The following MCTP1 variants were observed in gnomAD, a reference collection of about 807,000 sequenced individuals.
The protein encoded by MCTP1 is multiple C2 and transmembrane domain containing 1.
MCTP1 carries 69 observed loss-of-function variants against 120.6 expected under a neutral mutation model. That is an observed-to-expected ratio of 0.57 (90% CI 0.47 to 0.70). The LOEUF is 0.70. Ranked by LOEUF, MCTP1 falls within the 30% of genes least tolerant of loss-of-function variation. The probability of loss-of-function intolerance (pLI) is 0.00; values close to 1 mark genes in which losing one functional copy is unlikely to be tolerated. For missense variants in MCTP1, 1,203 were observed against 1,248.8 expected (o/e 0.96, Z 0.55); for synonymous variants, 529 against 493.1 (o/e 1.07, Z -0.96).
At chr5:95,172,515 C>A (rs1358007510) in intron 1 of MCTP1, among the ~76,000 whole-genome samples, 1 of 152,128 alleles carries the variant, frequency 6.6e-6, no homozygotes, top group Non-Finnish European at 1.5e-5. Context: ...TGTGCTTAAC[C>A]ATTAGAGTGC....
rs187469492 is a variant in MCTP1, at chr5:95,081,884, G to A, written c.721-64400C>T. 9.5e-4 allele frequency: 905 copies of A among 956,382 alleles called. 9 individuals are homozygous for A. The African/African-American group carries it at 0.015, about 16-fold the overall frequency. 59.2% of individuals were successfully genotyped at this position (956,382 alleles called of 1,614,324 possible). A position where few individuals can be genotyped will look rare whatever the true frequency, so the allele number is the denominator to read the frequency against. On this transcript the variant is annotated intron_variant, in intron 1 of 22. Coordinates refer to ENST00000515393, the MANE Select transcript of MCTP1 (RefSeq NM_024717.7). ...TTCCTCATGGCAAAAGCCACAACAG[G>A]AAATGAGAATAACAACACTGCACAA... is the stretch of plus-strand genomic sequence containing the variant.
chr5:95,081,657 G>A, intron 1 of MCTP1: 1 of 1,326,766 alleles, frequency 7.5e-7, no homozygotes, highest in Non-Finnish European at 9.6e-7. Context: ...AAAGTAAGAA[G>A]AACCCGTGAT....
rs142838299 is a variant in MCTP1, at chr5:95,120,583, C to T, written c.721-103099G>A. On this transcript the variant is annotated intron_variant, in intron 1 of 22. Coordinates refer to ENST00000515393, the MANE Select transcript of MCTP1 (RefSeq NM_024717.7). Reference sequence around the variant, plus strand: ...ATACCAACAGAATGAAGAACAAAAACCAGATAATCATTTCAATTGATGTTG... The same window carrying T: ...ATACCAACAGAATGAAGAACAAAAATCAGATAATCATTTCAATTGATGTTG... Among the ~76,000 whole-genome samples the T allele has an allele frequency of 2.4e-3, 359 of 152,200 alleles. 1 individual carries two copies. The highest frequency in any genetic ancestry group is 4.2e-3 in the Non-Finnish European group (286 of 67,994).
chr5:94,900,469 T>C (rs1287861452), intron 10 of MCTP1, among the ~76,000 whole-genome samples: 7 of 152,250 alleles, frequency 4.6e-5, no homozygotes, highest in Non-Finnish European at 8.8e-5. Flanking sequence ...TAGTGTGTAA[T>C]GTGCTCATTC....
At chr5:94,999,147 T>C (rs1833168527) in intron 2 of MCTP1, among the ~76,000 whole-genome samples, 1 of 152,202 alleles carries the variant, frequency 6.6e-6, no homozygotes, top group Non-Finnish European at 1.5e-5. Flanking sequence ...AATAGGTAAC[T>C]AAATCCCTAA....
intron 19 of MCTP1, among the ~76,000 whole-genome samples, chr5:94,723,295 A>C (rs1224370966): frequency 6.6e-6 from 1 of 152,200 alleles, no homozygotes; most frequent in East Asian, 1.9e-4. Flanking sequence ...AGGATATTTA[A>C]GGTTAACAGG....
At chr5:94,744,801 C>T (rs907046863) in intron 19 of MCTP1, among the ~76,000 whole-genome samples, 35 of 152,148 alleles carry the variant, frequency 2.3e-4, no homozygotes, top group African/African-American at 5.1e-4. Context: ...TGAGCCACCG[C>T]GCCCAGCCAC....
At chr5:95,158,899 T>G (rs1562192347) in intron 1 of MCTP1, among the ~76,000 whole-genome samples, 1 of 152,094 alleles carries the variant, frequency 6.6e-6, no homozygotes, top group Non-Finnish European at 1.5e-5. Flanking sequence ...CCAGCCTGGG[T>G]GATAGATCCA....
At chr5:94,907,151 G>A (rs770289586) in intron 10 of MCTP1, among the ~76,000 whole-genome samples, 4 of 152,086 alleles carry the variant, frequency 2.6e-5, no homozygotes, top group Admixed American at 6.5e-5. Context: ...GCTTTTCAGC[G>A]GCAAGATGCT....
intron 1 of MCTP1, among the ~76,000 whole-genome samples, chr5:95,218,382 T>G (rs1753277510): frequency 1.3e-5 from 2 of 152,188 alleles, no homozygotes; most frequent in Admixed American, 1.3e-4. Context: ...TATTTGATCC[T>G]TTCTCTTTGT....
At chr5:94,924,490 A>G (rs1276553784) in intron 6 of MCTP1, among the ~76,000 whole-genome samples, 1 of 152,194 alleles carries the variant, frequency 6.6e-6, no homozygotes, top group Non-Finnish European at 1.5e-5. Context: ...TCCAAATTTT[A>G]TAATACAATT....
intron 1 of MCTP1, among the ~76,000 whole-genome samples, chr5:95,022,505 T>C (rs967190343): frequency 6.6e-6 from 1 of 152,240 alleles, no homozygotes; most frequent in Non-Finnish European, 1.5e-5. Flanking sequence ...TTTTAAATTA[T>C]GAACCTTTAA....
intron 19 of MCTP1, among the ~76,000 whole-genome samples, chr5:94,770,066 T>C (rs1404413727): frequency 6.6e-6 from 1 of 152,200 alleles, no homozygotes; most frequent in African/African-American, 2.4e-5. Flanking sequence ...GTCTTTAAAA[T>C]GGTGAAGAAT....
intron 19 of MCTP1, among the ~76,000 whole-genome samples, chr5:94,720,306 A>T (rs181478926): frequency 2.0e-5 from 3 of 152,206 alleles, no homozygotes; most frequent in Non-Finnish European, 2.9e-5. Flanking sequence ...GGTTACATAA[A>T]ATTTAAAACA....
chr5:95,254,700 A>G (rs1158324312), intron 1 of MCTP1, among the ~76,000 whole-genome samples: 1 of 152,194 alleles, frequency 6.6e-6, no homozygotes, highest in East Asian at 1.9e-4. Flanking sequence ...ACTACTACAC[A>G]TATTAATTGC....
intron 18 of MCTP1, among the ~76,000 whole-genome samples, chr5:94,796,779 A>C (rs1780181069): frequency 6.6e-6 from 1 of 151,796 alleles, no homozygotes; most frequent in Non-Finnish European, 1.5e-5. Context: ...AATTGGATTT[A>C]AGAGTTACGT....
chr5:94,963,461 C>G (rs1210301507), intron 2 of MCTP1, among the ~76,000 whole-genome samples: 1 of 143,534 alleles, frequency 7.0e-6, no homozygotes, highest in African/African-American at 2.7e-5. Flanking sequence ...AGATCCTGTC[C>G]AACACTTGTT....
chr5:95,056,931 G>C (rs1254343000), intron 1 of MCTP1, among the ~76,000 whole-genome samples: 1 of 152,018 alleles, frequency 6.6e-6, no homozygotes, highest in Non-Finnish European at 1.5e-5. Flanking sequence ...CAAATAGTGA[G>C]TATGAAAAGA....
chr5:94,862,758 T>C (rs1796058399), intron 17 of MCTP1, among the ~76,000 whole-genome samples: 1 of 151,798 alleles, frequency 6.6e-6, no homozygotes, highest in South Asian at 2.1e-4. Flanking sequence ...ATTTTTCATG[T>C]AATTTTGGAC....
Sources: gnomAD v4.1 joint callset for allele counts (sites outside exome capture counted in the v4.1 genomes callset) on GRCh38, gnomAD v4.1.1 for gene constraint, MANE v1.5 for transcripts, NCBI Gene and HGNC (gene_info 2026-07-23, HGNC 2026-07-21) for gene names.